CC2D2A: variants seen among roughly 807,000 people sequenced by gnomAD.
CC2D2A encodes coiled-coil and C2 domain containing 2A, also known as coiled-coil and C2 domain-containing protein 2A.
In CC2D2A, 155 loss-of-function variants were observed where a neutral mutation model predicts 212.9. That is an observed-to-expected ratio of 0.73 (90% CI 0.64 to 0.83). The LOEUF is 0.83. CC2D2A is among the 40% of genes least tolerant of loss of function. The pLI is 0.00. For missense variants in CC2D2A, 1,856 were observed against 1,956.2 expected, an observed-to-expected ratio of 0.95 and a Z score of 0.97; for synonymous variants, 667 against 686.5, an observed-to-expected ratio of 0.97 and a Z score of 0.44.
chr4:15,588,661 C>T (rs1720960267), intron 32 of CC2D2A, among the ~76,000 whole-genome samples: 1 of 152,104 alleles, frequency 6.6e-6, no homozygotes, highest in African/African-American at 2.4e-5. Context: ...CATTCTCCAT[C>T]ATTATCTCCC....
At chr4:15,474,507 A>G (rs144031086) in intron 1 of CC2D2A, among the ~76,000 whole-genome samples, 177 of 152,318 alleles carry the variant, frequency 1.2e-3, no homozygotes, top group African/African-American at 4.1e-3. Context: ...GAAAGAATGA[A>G]TGAGACCTAG....
In CC2D2A at chr4:15,589,662, T is replaced by A; in HGVS notation, c.4297T>A (p.Leu1433Ile). The change falls in exon 33 of 37, where the codon TTA becomes ATA. Residue 1433 changes from leucine to isoleucine, a missense_variant. Physicochemically the swap from Leu to Ile is conservative, Grantham distance 5. Around this residue, in one of 5 missense-constraint regions of CC2D2A, gnomAD observed 285 missense variants for 278.4 expected, o/e 1.02. Transcript: ENST00000424120. The stretch of plus-strand genomic sequence containing the variant: ...CTGTCCCTTGAAAAATGTGGGCTGT[T>A]TAATAGGTCCTGACAATGTAAGTAT... ...TFCPLKNVGC[L>I]IGPDNIWFNI... is the part of the protein sequence containing the mutation. 3 of 1,595,584 alleles carry A rather than the reference T, an allele frequency of 1.9e-6. No individual in the cohort carries two copies. The highest frequency in any genetic ancestry group is 2.6e-6 in the Non-Finnish European group (3 of 1,169,528).
intron 7 of CC2D2A, among the ~76,000 whole-genome samples, chr4:15,510,965 G>C (rs1198836736): frequency 6.6e-6 from 1 of 152,212 alleles, no homozygotes; most frequent in Non-Finnish European, 1.5e-5. Flanking sequence ...CTTATCTAAA[G>C]TGTTTACTGC....
rs751436798 is a variant in CC2D2A, at chr4:15,527,557, T to A, written c.1260T>A (p.Cys420Ter). 6.2e-7 allele frequency: 1 copy of A among 1,613,548 alleles called. No individual in the cohort carries two copies. The highest frequency in any genetic ancestry group is 1.1e-5 in the South Asian group (1 of 90,890). Residue 420 changes from cysteine to a stop codon, truncating the protein, a stop_gained, in exon 12 of 37, where the codon TGT becomes TGA. Coordinates refer to ENST00000424120, the MANE Select transcript of CC2D2A (RefSeq NM_001378615.1). LOFTEE classifies it high-confidence loss of function. ...GGTTAATCTTCACTCATCATCCCTG[T>A]TTTAGCCGAGAGCATGTTTTGGCAG... ...ISGLIFTHHP[C>*]FSREHVLAAK...
intron 16 of CC2D2A, among the ~76,000 whole-genome samples, chr4:15,538,994 T>C (rs1718282014): frequency 6.6e-6 from 1 of 151,516 alleles, no homozygotes; most frequent in Admixed American, 6.6e-5. Flanking sequence ...AGGCCAGGAG[T>C]TGGAGACCAG....
chr4:15,479,158 G>A (rs1252144723), intron 3 of CC2D2A: 29 of 1,201,652 alleles, frequency 2.4e-5, no homozygotes, highest in Non-Finnish European at 3.3e-5. Context: ...GGCAGTACAC[G>A]ATTACAAATC....
intron 13 of CC2D2A, among the ~76,000 whole-genome samples, chr4:15,531,085 TTATCTC>T (rs1412376122): frequency 2.0e-5 from 3 of 152,130 alleles, no homozygotes; most frequent in Non-Finnish European, 4.4e-5. Context: ...AGCTACTACT[TTATCTC>T]TATATTTCCT....
At chr4:15,572,934 G>A (rs916666834) in intron 28 of CC2D2A, among the ~76,000 whole-genome samples, 7 of 152,184 alleles carry the variant, frequency 4.6e-5, no homozygotes, top group African/African-American at 1.7e-4. Flanking sequence ...TTTGAGGGCA[G>A]GAAGCATCCA....
Position 15,517,097 on chromosome 4 carries a change from G to A in CC2D2A, c.1149+341G>A, listed in dbSNP as rs575405427. Among the ~76,000 whole-genome samples, 1,257 of 151,878 alleles carry A rather than the reference G, an allele frequency of 8.3e-3. 9 individuals carry two copies. Among genetic ancestry groups the A allele is most frequent in the Non-Finnish European group, 0.013 (909 of 67,932 alleles). On this transcript the variant is annotated intron_variant, in intron 11 of 36. Coordinates refer to ENST00000424120, the MANE Select transcript of CC2D2A (RefSeq NM_001378615.1). ...TGAGTAGCTGGGACTACAGGTGCCCGCCACCTCGCCCGGCTAATTTTTTGT... is the reference window on the plus strand; with the variant it reads ...TGAGTAGCTGGGACTACAGGTGCCCACCACCTCGCCCGGCTAATTTTTTGT...
chr4:15,494,754 C>T (rs1715514913), intron 4 of CC2D2A, among the ~76,000 whole-genome samples: 1 of 152,092 alleles, frequency 6.6e-6, no homozygotes, highest in African/African-American at 2.4e-5. Context: ...TCAGACTGTC[C>T]ACTAATTACA....
chr4:15,575,161 A>G (rs1436812060), intron 29 of CC2D2A, among the ~76,000 whole-genome samples: 2 of 152,216 alleles, frequency 1.3e-5, no homozygotes, highest in African/African-American at 4.8e-5. Flanking sequence ...CAGTAATAAC[A>G]TCAACAACAA....
At chr4:15,563,703 G>A (rs1459441525) in intron 24 of CC2D2A, 181 bp downstream of exon 24, 8 of 608,744 alleles carry the variant, frequency 1.3e-5, no homozygotes, top group Non-Finnish European at 2.3e-5. Flanking sequence ...ATCAATTCAG[G>A]CTAAAGAGGG....
At chr4:15,587,630 C>A (rs1203866861) in intron 31 of CC2D2A, among the ~76,000 whole-genome samples, 186 bp from the exon 32 acceptor site, 1 of 152,120 alleles carries the variant, frequency 6.6e-6, no homozygotes, top group Non-Finnish European at 1.5e-5. Context: ...TCAGAGAAAA[C>A]ACCATGCCCA....
chr4:15,487,780 T>C lies in CC2D2A; in HGVS notation c.247+6953T>C, dbSNP rs532266384. Among the ~76,000 whole-genome samples, 142 of 110,908 alleles carry C rather than the reference T, an allele frequency of 1.3e-3. 2 individuals carry two copies. The highest frequency in any genetic ancestry group is 3.9e-4 in the Non-Finnish European group (21 of 53,878). The allele number at this position is 110,908 out of a possible 152,430, so 72.8% of individuals were successfully genotyped here. A position where few individuals can be genotyped will look rare whatever the true frequency, so the allele number is the denominator to read the frequency against. On this transcript the variant is annotated intron_variant, in intron 4 of 36. Coordinates refer to ENST00000424120, the MANE Select transcript of CC2D2A (RefSeq NM_001378615.1). Reference sequence around the variant, plus strand: ...GTGTATAAGTGATTTTCTCCAGTAGTATGTTAAAAAAATTTTTTTTTTTGT... The same window carrying C: ...GTGTATAAGTGATTTTCTCCAGTAGCATGTTAAAAAAATTTTTTTTTTTGT...
At chr4:15,474,634 T>C (rs1262366667) in intron 1 of CC2D2A, among the ~76,000 whole-genome samples, 4 of 152,182 alleles carry the variant, frequency 2.6e-5, no homozygotes, top group African/African-American at 4.8e-5. Flanking sequence ...ATTGAGGGGA[T>C]AGACACCCAA....
chr4:15,517,301 C>G (rs978372600), intron 11 of CC2D2A, among the ~76,000 whole-genome samples: 1 of 152,146 alleles, frequency 6.6e-6, no homozygotes, highest in African/African-American at 2.4e-5. Flanking sequence ...ATGACTGAGT[C>G]TGCATCTTTT....
intron 30 of CC2D2A, among the ~76,000 whole-genome samples, chr4:15,581,435 T>G (rs1343865024): frequency 6.6e-6 from 1 of 152,176 alleles, no homozygotes; most frequent in Non-Finnish European, 1.5e-5. Flanking sequence ...GATGAAAGCT[T>G]GAAATAGTGT....
At chr4:15,474,557 T>C (rs1679792294) in intron 1 of CC2D2A, among the ~76,000 whole-genome samples, 1 of 152,106 alleles carries the variant, frequency 6.6e-6, no homozygotes, top group African/African-American at 2.4e-5. Flanking sequence ...TTAATAATAA[T>C]TTAATTGTAC....
intron 17 of CC2D2A, among the ~76,000 whole-genome samples, chr4:15,550,537 T>C (rs1227873051): frequency 6.6e-6 from 1 of 152,172 alleles, no homozygotes; most frequent in Non-Finnish European, 1.5e-5. Context: ...AAGCCATATA[T>C]TGGTTTGGAA....
Sources: gnomAD v4.1 joint callset for allele counts (sites outside exome capture counted in the v4.1 genomes callset) on GRCh38, gnomAD v4.1.1 for gene constraint, gnomAD v4.1.1 regional missense constraint, MANE v1.5 for transcripts, NCBI Gene and HGNC (gene_info 2026-07-23, HGNC 2026-07-21) for gene names.